SPON1: variants seen among roughly 807,000 people sequenced by gnomAD.
SPON1 encodes spondin 1, also known as spondin-1.
Under a neutral mutation model 111.7 loss-of-function variants are expected in SPON1, and 52 were observed. The ratio of observed to expected loss-of-function variants is 0.47; its 90% confidence interval spans 0.37 to 0.59. The LOEUF (loss-of-function observed/expected upper bound fraction) is 0.59. Ranked by LOEUF, SPON1 falls within the 20% of genes least tolerant of loss-of-function variation. The probability of loss-of-function intolerance (pLI) is 0.00; values close to 1 mark genes in which losing one functional copy is unlikely to be tolerated. For missense variants in SPON1, 957 were observed against 1,068.5 expected (o/e 0.90, Z 1.46); for synonymous variants, 410 against 395.8 (o/e 1.04, Z -0.43).
chr11:14,030,582 G>A (rs781773806), intron 2 of SPON1, among the ~76,000 whole-genome samples: 1 of 152,204 alleles, frequency 6.6e-6, no homozygotes, highest in Non-Finnish European at 1.5e-5. Flanking sequence ...ATGGAGGTAA[G>A]AATCCGTTTG....
intron 6 of SPON1, among the ~76,000 whole-genome samples, chr11:14,140,975 T>C (rs143138597): frequency 2.0e-5 from 3 of 151,308 alleles, no homozygotes; most frequent in Non-Finnish European, 4.4e-5. Context: ...TCATGCCCTA[T>C]TCACAAACAG....
chr11:14,165,376 A>G (rs755001927), intron 6 of SPON1, among the ~76,000 whole-genome samples: 3 of 152,182 alleles, frequency 2.0e-5, no homozygotes, highest in Admixed American at 2.0e-4. Context: ...TTCTGCTGAC[A>G]GGAGATGTAG....
rs1244653319 is a variant in SPON1 at position 14,255,683 on chromosome 11, C to A, written c.1129C>A (p.Arg377=). ...NKPTIPQEKI[R]PLTSLDHPQS... The stretch of plus-strand genomic sequence containing the variant: ...ACCCACCATTCCCCAGGAGAAAATC[C>A]GGCCCCTGACCAGCCTGGACCATCC... Residue 377 remains arginine, a synonymous_variant, in exon 9 of 16, where the codon CGG becomes AGG. Transcript: ENST00000576479. The A allele has an allele frequency of 6.2e-7, 1 of 1,613,766 alleles. No individual in the cohort carries two copies. The highest frequency in any genetic ancestry group is 8.5e-7 in the Non-Finnish European group (1 of 1,179,856).
chr11:14,042,012 C>G (rs1848635055), intron 3 of SPON1, among the ~76,000 whole-genome samples: 1 of 152,052 alleles, frequency 6.6e-6, no homozygotes, highest in Non-Finnish European at 1.5e-5. Flanking sequence ...CACCTAGAAT[C>G]CTTAAACACT....
At chr11:14,084,468 G>A (rs1848989616) in intron 5 of SPON1, among the ~76,000 whole-genome samples, 1 of 152,118 alleles carries the variant, frequency 6.6e-6, no homozygotes, top group South Asian at 2.1e-4. Context: ...TCCCTGCAAA[G>A]GACATGAACT....
intron 5 of SPON1, among the ~76,000 whole-genome samples, chr11:14,111,955 T>G (rs1182009739): frequency 2.0e-5 from 3 of 152,062 alleles, no homozygotes; most frequent in African/African-American, 7.2e-5. Context: ...TGATGTTAGC[T>G]TGAGTTCTGA....
chr11:13,971,566 C>A (rs1264870041), intron 1 of SPON1, among the ~76,000 whole-genome samples: 1 of 152,164 alleles, frequency 6.6e-6, no homozygotes, highest in Non-Finnish European at 1.5e-5. Flanking sequence ...GGGCCCCACC[C>A]TAACAAAAGG....
rs1554941635 is a variant in SPON1, at chr11:14,259,391, G to A, written c.1604G>A (p.Gly535Asp). 2 of 1,611,686 alleles carry A rather than the reference G, an allele frequency of 1.2e-6. No homozygotes were observed. Among genetic ancestry groups the A allele is most frequent in the East Asian group, 4.5e-5 (2 of 44,840 alleles). ...ERYVKQFPED[G>D]SVCTLPTEET... ...TATGTGAAGCAGTTCCCGGAGGACGGCTCCGTGTGCACGCTGCCCACTGAG... is the reference window on the plus strand; with the variant it reads ...TATGTGAAGCAGTTCCCGGAGGACGACTCCGTGTGCACGCTGCCCACTGAG... Residue 535 changes from glycine to aspartate, a missense_variant, in exon 12 of 16, where the codon GGC becomes GAC. Coordinates refer to ENST00000576479, the MANE Select transcript of SPON1 (RefSeq NM_006108.4). This position sits in a 1 kb window ranked among gnomAD's most constrained non-coding sequence, Gnocchi z 5.0.
chr11:14,244,599 C>T (rs2133919060), intron 7 of SPON1, among the ~76,000 whole-genome samples: 1 of 151,536 alleles, frequency 6.6e-6, no homozygotes, highest in Non-Finnish European at 1.5e-5. Context: ...ATACAAAAAT[C>T]TAACTGGGTG....
At chr11:14,060,486 C>A (rs1848783241) in intron 3 of SPON1, among the ~76,000 whole-genome samples, 1 of 152,064 alleles carries the variant, frequency 6.6e-6, no homozygotes, top group Non-Finnish European at 1.5e-5. Flanking sequence ...CCCTCTATAC[C>A]TCAGCTTCAT....
At chr11:13,986,768 G>A (rs1005353680) in intron 2 of SPON1, among the ~76,000 whole-genome samples, 11 of 151,590 alleles carry the variant, frequency 7.3e-5, no homozygotes, top group Non-Finnish European at 1.0e-4. Flanking sequence ...CTATGTCCAC[G>A]TGTTCTCATT....
At chr11:14,099,106 C>CTTATTGGATA (rs1849124346) in intron 5 of SPON1, among the ~76,000 whole-genome samples, 1 of 152,186 alleles carries the variant, frequency 6.6e-6, no homozygotes, top group Non-Finnish European at 1.5e-5. Context: ...ATTTCTTCAT[C>CTTATTGGATA]AGTTATTGGT....
chr11:14,172,620 G>A (rs1848119346), intron 6 of SPON1, among the ~76,000 whole-genome samples: 2 of 151,986 alleles, frequency 1.3e-5, no homozygotes, highest in Non-Finnish European at 2.9e-5. Context: ...TATTTTTGCA[G>A]TGGCTGGTAC....
intron 6 of SPON1, among the ~76,000 whole-genome samples, chr11:14,159,250 T>G (rs1419436275): frequency 6.6e-6 from 1 of 152,172 alleles, no homozygotes; most frequent in Non-Finnish European, 1.5e-5. Context: ...AAAATTTTTT[T>G]GATGCCTTTG....
chr11:14,141,233 T>G (rs1554928762), intron 6 of SPON1, among the ~76,000 whole-genome samples: 1 of 152,178 alleles, frequency 6.6e-6, no homozygotes, highest in East Asian at 1.9e-4. Flanking sequence ...TTACATATTT[T>G]TGTAATGTGT....
At chr11:14,248,240 C>A (rs1849013158) in intron 7 of SPON1, among the ~76,000 whole-genome samples, 1 of 152,080 alleles carries the variant, frequency 6.6e-6, no homozygotes, top group East Asian at 1.9e-4. Context: ...GAAAAACAGC[C>A]CGGAGCAGGT....
intron 3 of SPON1, among the ~76,000 whole-genome samples, chr11:14,074,974 C>T (rs986145679): frequency 1.3e-5 from 2 of 152,144 alleles, no homozygotes; most frequent in African/African-American, 4.8e-5. Flanking sequence ...TTTGGCTGAT[C>T]TATAAATGGC....
At chr11:14,147,312 G>A (rs1847732997) in intron 6 of SPON1, among the ~76,000 whole-genome samples, 1 of 151,898 alleles carries the variant, frequency 6.6e-6, no homozygotes, top group South Asian at 2.1e-4. Context: ...GGGATTACAG[G>A]CGTGAGTCAC....
chr11:13,966,460 A>G (rs1848017091), intron 1 of SPON1, among the ~76,000 whole-genome samples: 1 of 152,216 alleles, frequency 6.6e-6, no homozygotes, highest in Non-Finnish European at 1.5e-5. Context: ...CTTTTGTCTT[A>G]CTGGAGGTCT....
Sources: allele counts gnomAD v4.1 joint callset (sites outside exome capture counted in the v4.1 genomes callset), GRCh38; gene constraint gnomAD v4.1.1; non-coding constraint Gnocchi (gnomAD v3.1); transcripts MANE v1.5; gene names NCBI Gene and HGNC (gene_info 2026-07-23, HGNC 2026-07-21).